The following PIWIL1 variants were observed in gnomAD, a reference collection of about 807,000 sequenced individuals.
PIWIL1 encodes piwi like RNA-mediated gene silencing 1.
In PIWIL1, 73 loss-of-function variants were observed where a neutral mutation model predicts 114.4. The ratio of observed to expected loss-of-function variants is 0.64; its 90% CI spans 0.53 to 0.78. The LOEUF (loss-of-function observed/expected upper bound fraction) is 0.78. PIWIL1 is among the 30% of genes least tolerant of loss of function. The probability of loss-of-function intolerance (pLI) is 0.00; values close to 1 mark genes in which losing one functional copy is unlikely to be tolerated. For missense variants in PIWIL1, 723 were observed against 1,063.1 expected, an observed-to-expected ratio of 0.68 and a Z score of 4.45; for synonymous variants, 375 against 369.0, an observed-to-expected ratio of 1.02 and a Z score of -0.19.
At chr12:130,367,033 G>T (rs1333401101) in intron 18 of PIWIL1, 100 bp from the exon 19 acceptor site, 2 of 1,344,164 alleles carry the variant, frequency 1.5e-6, no homozygotes, top group African/African-American at 1.4e-5. Context: ...CCCCAGGAGG[G>T]ATGTGTTCCT....
At position 130,338,151 on chromosome 12, in the gene PIWIL1, G is replaced by GCTAGC; in HGVS notation, c.-13+5_-13+6insCTAGC. ...GGGCGAGGGCAGCGGTCCAAGGTGCGGGGCCAGGCTGAGGTGCTAGGTGTG... is the reference window on the plus strand; with the variant it reads ...GGGCGAGGGCAGCGGTCCAAGGTGCGCTAGCGGGCCAGGCTGAGGTGCTAGGTGTG... On this transcript the variant is annotated splice_donor_region_variant and intron_variant, in intron 1 of 20. Transcript: ENST00000245255. 3.1e-6 allele frequency: 1 copy of GCTAGC among 321,860 alleles called. No individual in the cohort carries two copies. Among genetic ancestry groups the GCTAGC allele is most frequent in the South Asian group, 2.3e-5 (1 of 42,862 alleles). The allele number at this position is 321,860 out of a possible 1,614,324, so 19.9% of individuals were successfully genotyped here. A position where few individuals can be genotyped will look rare whatever the true frequency, so the allele number is the denominator to read the frequency against.
At chr12:130,342,502 G>C (rs2072949607) in intron 1 of PIWIL1, 78 bp from the exon 2 acceptor site, 7 of 846,266 alleles carry the variant, frequency 8.3e-6, no homozygotes, top group South Asian at 1.4e-5. Flanking sequence ...ACTCAAAGAA[G>C]TTTAAAGTAA....
rs2073381840 is a variant in PIWIL1 at position 130,357,050 on chromosome 12, C to A, written c.1537C>A (p.Gln513Lys). 2 of 1,613,430 alleles carry A rather than the reference C, an allele frequency of 1.2e-6. No homozygotes were observed. Among genetic ancestry groups the A allele is most frequent in the South Asian group, 1.1e-5 (1 of 91,004 alleles). The part of the protein sequence containing the change: ...RNYEAANSLI[Q>K]NLFKVTPAMG... ...TTATGAAGCAGCCAATTCATTGATA[C>A]AAAATCTATTTAAAGTTACACCAGC... The change falls in exon 13 of 21, where the codon CAA becomes AAA. Residue 513 changes from glutamine to lysine, a missense_variant. This residue lies in a region of PIWIL1 where 298 missense variants were observed against 420.8 expected (regional missense o/e 0.71). Transcript: ENST00000245255.
the PIWIL1 span, among the ~76,000 whole-genome samples, chr12:130,387,965 G>A: frequency 6.6e-6 from 1 of 152,174 alleles, no homozygotes; most frequent in Admixed American, 6.5e-5. Context: ...ATGTTCATCT[G>A]TATTTTCCTA....
At chr12:130,394,357 A>G in the PIWIL1 span, among the ~76,000 whole-genome samples, 2 of 152,212 alleles carry the variant, frequency 1.3e-5, no homozygotes, top group South Asian at 4.1e-4. Context: ...TTGCACGCGG[A>G]GGTGCACGGA....
chr12:130,368,436 G>C (rs1412380062), intron 19 of PIWIL1, among the ~76,000 whole-genome samples: 1 of 152,150 alleles, frequency 6.6e-6, no homozygotes, highest in African/African-American at 2.4e-5. Flanking sequence ...AGTCTGCTCT[G>C]TTATCTGACA....
At position 130,355,647 on chromosome 12, in the gene PIWIL1, A is replaced by AT; in HGVS notation, c.1386dup (p.His463SerfsTer8). The AT allele has an allele frequency of 6.2e-7, 1 of 1,613,430 alleles. No homozygotes were observed. The highest frequency in any genetic ancestry group is 8.5e-7 in the Non-Finnish European group (1 of 1,179,276). ...AGGAAGAATTTTGCAAACAGAAAAG[A>AT]TTCACCAAGGTGGAAAAACAGTAAG... On this transcript the variant is annotated frameshift_variant, in exon 12 of 21. Transcript: ENST00000245255. LOFTEE classifies it high-confidence loss of function.
intron 3 of PIWIL1, among the ~76,000 whole-genome samples, chr12:130,343,928 A>G (rs1050892101): frequency 3.3e-5 from 5 of 152,134 alleles, no homozygotes; most frequent in Admixed American, 1.3e-4. Flanking sequence ...CACCCGGCCC[A>G]TTGAAGGATT....
intron 19 of PIWIL1, among the ~76,000 whole-genome samples, chr12:130,367,786 G>A (rs1021560396): frequency 3.3e-5 from 5 of 152,172 alleles, no homozygotes; most frequent in South Asian, 4.1e-4. Flanking sequence ...GGAGGATTCC[G>A]TGAGAAAGTC....
chr12:130,419,595 T>C, the PIWIL1 span: 1 of 152,244 alleles, frequency 6.6e-6, no homozygotes, highest in Non-Finnish European at 1.5e-5. The surrounding 1 kb of genome is among the most constrained non-coding windows in gnomAD (Gnocchi z 4.3). Context: ...GGGGCAAAGC[T>C]TTGTCAATAG....
At chr12:130,402,687 A>G in the PIWIL1 span, among the ~76,000 whole-genome samples, 1 of 152,202 alleles carries the variant, frequency 6.6e-6, no homozygotes, top group Non-Finnish European at 1.5e-5. Flanking sequence ...CCTAATGTCC[A>G]GACAGAATGG....
Position 130,342,651 on chromosome 12 carries a change from G to A in PIWIL1, c.60G>A (p.Gln20=), listed in dbSNP as rs374386771. The A allele has an allele frequency of 2.5e-5, 40 of 1,613,252 alleles. No individual in the cohort carries two copies. The highest frequency in any genetic ancestry group is 6.7e-5 in the Admixed American group (4 of 60,002). The change falls in exon 2 of 21, where the codon CAG becomes CAA. Residue 20 remains glutamine, a synonymous_variant. Coordinates refer to ENST00000245255, the MANE Select transcript of PIWIL1 (RefSeq NM_004764.5). ...GGGCCCGCGGTCAGGAGACAGCGCA[G>A]CTGGTGGGCTCCACTGCCGTGAGTG... ...RGRARGQETA[Q]LVGSTASQQP... is the part of the protein sequence containing the mutation.
chr12:130,371,167 T>A lies in PIWIL1; in HGVS notation c.2322-9T>A, dbSNP rs368682178. On this transcript the variant is annotated splice_polypyrimidine_tract_variant and intron_variant, in intron 19 of 20. Coordinates refer to ENST00000245255, the MANE Select transcript of PIWIL1 (RefSeq NM_004764.5). ...TTTCAGCACATCCGTGTGTTTTCTG[T>A]AATTCCAGGTATGACTTTTTTATCG... 6.2e-7 allele frequency: 1 copy of A among 1,613,542 alleles called. No homozygotes were observed. The highest frequency in any genetic ancestry group is 1.3e-5 in the African/African-American group (1 of 74,934).
chr12:130,409,693 G>C, the PIWIL1 span, among the ~76,000 whole-genome samples: 1 of 152,084 alleles, frequency 6.6e-6, no homozygotes, highest in Non-Finnish European at 1.5e-5. Context: ...ACGCCTCTGA[G>C]ATTCACCCCT....
intron 14 of PIWIL1, among the ~76,000 whole-genome samples, chr12:130,358,530 C>T (rs990989002): frequency 6.6e-6 from 1 of 152,052 alleles, no homozygotes; most frequent in Non-Finnish European, 1.5e-5. Context: ...AGTTTAATGG[C>T]GGTGTCATGC....
the PIWIL1 span, among the ~76,000 whole-genome samples, chr12:130,416,164 G>T: frequency 6.6e-6 from 1 of 152,162 alleles, no homozygotes; most frequent in Non-Finnish European, 1.5e-5. Flanking sequence ...GCAACCTACA[G>T]ATTCAATGCT....
At chr12:130,386,502 C>T in the PIWIL1 span, among the ~76,000 whole-genome samples, 2 of 86,816 alleles carry the variant, frequency 2.3e-5, no homozygotes, top group Admixed American at 1.2e-4. Flanking sequence ...CACCCATGCA[C>T]ACTACCCCCT....
the PIWIL1 span, among the ~76,000 whole-genome samples, chr12:130,384,420 C>A: frequency 2.0e-5 from 3 of 152,164 alleles, no homozygotes; most frequent in African/African-American, 7.2e-5. Context: ...TTGAGATCAT[C>A]AGGATTGCTC....
At chr12:130,409,372 T>C in the PIWIL1 span, among the ~76,000 whole-genome samples, 1 of 123,972 alleles carries the variant, frequency 8.1e-6, no homozygotes, top group Non-Finnish European at 1.6e-5. Flanking sequence ...AGATGGACTC[T>C]CGCTCTGTCG....
Sources: allele counts gnomAD v4.1 joint callset (sites outside exome capture counted in the v4.1 genomes callset), GRCh38; gene constraint gnomAD v4.1.1; regional missense constraint gnomAD v4.1.1; non-coding constraint Gnocchi (gnomAD v3.1); transcripts MANE v1.5; gene names NCBI Gene and HGNC (gene_info 2026-07-23, HGNC 2026-07-21).